The following SORCS2 variants were observed in gnomAD, a reference collection of about 807,000 sequenced individuals.
SORCS2 encodes VPS10 domain-containing receptor SorCS2.
In SORCS2, 100 loss-of-function variants were observed where a neutral mutation model predicts 141.6. The observed-to-expected ratio is 0.71, with a 90% CI of 0.60 to 0.83. The LOEUF (loss-of-function observed/expected upper bound fraction) is 0.83. Ranked by LOEUF, SORCS2 falls within the 40% of genes least tolerant of loss-of-function variation. The pLI is 0.00. For synonymous variants in SORCS2, 789 were observed against 676.9 expected (o/e 1.17, Z -2.57); for missense variants, 1,646 against 1,560.2 (o/e 1.05, Z -0.93).
intron 1 of SORCS2, among the ~76,000 whole-genome samples, chr4:7,318,999 G>A (rs955273607): frequency 6.6e-6 from 1 of 152,086 alleles, no homozygotes; most frequent in African/African-American, 2.4e-5. Context: ...GAGCCTTTTG[G>A]GTCTGGCATC....
intron 1 of SORCS2, among the ~76,000 whole-genome samples, chr4:7,368,235 C>G (rs1402094638): frequency 6.6e-6 from 1 of 152,224 alleles, no homozygotes; most frequent in Non-Finnish European, 1.5e-5. Context: ...GAGCCAGACT[C>G]TCCAGGGAGG....
At chr4:7,265,074 T>C (rs1714632725) in intron 1 of SORCS2, among the ~76,000 whole-genome samples, 1 of 152,262 alleles carries the variant, frequency 6.6e-6, no homozygotes, top group African/African-American at 2.4e-5. Flanking sequence ...ATGCTCTGCA[T>C]GGGACTTCTG....
chr4:7,276,992 G>A (rs987588792), intron 1 of SORCS2, among the ~76,000 whole-genome samples: 3 of 152,200 alleles, frequency 2.0e-5, no homozygotes, highest in South Asian at 2.1e-4. Flanking sequence ...GAGTGACCCT[G>A]TAGCTGTTTC....
chr4:7,434,316 T>C (rs1553862889), intron 2 of SORCS2: 1 of 1,611,488 alleles, frequency 6.2e-7, no homozygotes, highest in Non-Finnish European at 8.5e-7. Flanking sequence ...AGACCTGCCG[T>C]ACACAGTCTT....
intron 2 of SORCS2, among the ~76,000 whole-genome samples, chr4:7,524,818 A>G (rs1232201549): frequency 1.3e-5 from 2 of 151,926 alleles, no homozygotes. Context: ...AGCCAGTTTC[A>G]GGTTTTCTAA....
intron 19 of SORCS2, among the ~76,000 whole-genome samples, chr4:7,724,459 G>GTGGTGGTGA (rs1726913047): frequency 8.7e-6 from 1 of 114,420 alleles, no homozygotes; most frequent in Middle Eastern, 3.8e-3. Context: ...GGTGGTGATG[G>GTGGTGGTGA]TGGTGGTGAT....
rs199943434 is a variant in SORCS2 at position 7,654,140 on chromosome 4, G to A, written c.820G>A (p.Val274Met). 55 of 1,577,522 alleles carry A rather than the reference G, an allele frequency of 3.5e-5. No homozygotes were observed. The highest frequency in any genetic ancestry group is 8.1e-5 in the South Asian group (7 of 86,308). Residue 274 changes from valine to methionine, a missense_variant, in exon 5 of 27, where the codon GTG becomes ATG. By Grantham distance (21) the Val-to-Met change is conservative. Coordinates refer to ENST00000507866, the MANE Select transcript of SORCS2 (RefSeq NM_020777.3). ...TCTTTTTTCTGCCCTAAAGCTCTAC[G>A]TGTCATCTGACTTGGGGAAAAAGTG... ...LAYTKESKLY[V>M]SSDLGKKWTL...
chr4:7,444,815 C>A (rs1727887711), intron 2 of SORCS2, among the ~76,000 whole-genome samples: 1 of 152,206 alleles, frequency 6.6e-6, no homozygotes, highest in South Asian at 2.1e-4. Context: ...GCTGCAGATT[C>A]AGCATCTGCT....
At chr4:7,425,927 C>T (rs1291850321) in intron 2 of SORCS2, among the ~76,000 whole-genome samples, 1 of 152,192 alleles carries the variant, frequency 6.6e-6, no homozygotes, top group East Asian at 1.9e-4. Flanking sequence ...CTAGTCCAGC[C>T]TCTTCTGGTT....
intron 1 of SORCS2, among the ~76,000 whole-genome samples, chr4:7,248,320 G>C (rs999953666): frequency 5.5e-5 from 7 of 127,468 alleles, no homozygotes; most frequent in Non-Finnish European, 1.2e-4. Context: ...TCCTTCTGCA[G>C]GTGTACAGGT....
At chr4:7,404,369 G>C (rs1233091490) in intron 2 of SORCS2, among the ~76,000 whole-genome samples, 1 of 152,114 alleles carries the variant, frequency 6.6e-6, no homozygotes, top group African/African-American at 2.4e-5. Context: ...TAGGTACCTA[G>C]TAGTGGGACT....
chr4:7,532,170 G>C (rs1379968561), intron 3 of SORCS2, among the ~76,000 whole-genome samples: 1 of 152,202 alleles, frequency 6.6e-6, no homozygotes, highest in Non-Finnish European at 1.5e-5. Context: ...TCCGTGAGAA[G>C]AGCCCTCCTG....
chr4:7,433,179 T>G (rs1003843317), intron 2 of SORCS2: 4 of 894,002 alleles, frequency 4.5e-6, no homozygotes, highest in South Asian at 4.3e-5. Context: ...CAGGAATACT[T>G]GGTTTTGAAC....
intron 3 of SORCS2, among the ~76,000 whole-genome samples, chr4:7,595,568 G>A (rs1055139935): frequency 1.5e-5 from 2 of 135,478 alleles, no homozygotes; most frequent in Admixed American, 1.6e-4. Flanking sequence ...CCATACGAAA[G>A]ACGTTCTTGT....
chr4:7,407,603 A>G (rs568099825), intron 2 of SORCS2, among the ~76,000 whole-genome samples: 3 of 152,258 alleles, frequency 2.0e-5, no homozygotes, highest in Admixed American at 6.5e-5. Flanking sequence ...TAGGCATGAT[A>G]TAGTTGAGAT....
intron 1 of SORCS2, among the ~76,000 whole-genome samples, chr4:7,279,159 G>C (rs1431639490): frequency 6.6e-6 from 1 of 152,162 alleles, no homozygotes; most frequent in African/African-American, 2.4e-5. Flanking sequence ...TTTCTGTATT[G>C]ATACACCCCT....
chr4:7,584,589 C>G (rs1716406127), intron 3 of SORCS2, among the ~76,000 whole-genome samples: 1 of 152,192 alleles, frequency 6.6e-6, no homozygotes, highest in Non-Finnish European at 1.5e-5. Flanking sequence ...TGACGAGTCT[C>G]TCTACTACTC....
At position 7,656,942 on chromosome 4, in the gene SORCS2, G is replaced by A. The variant is rs1246772630; in HGVS notation, c.887+2735G>A. On this transcript the variant is annotated intron_variant, in intron 5 of 26. Coordinates refer to ENST00000507866, the MANE Select transcript of SORCS2 (RefSeq NM_020777.3). ...AACACTCACTCCCTGAGGGCCGCCT[G>A]CCCCCGGCCAGCTCACTGGCCTGCC... Among the ~76,000 whole-genome samples, 3 of 152,228 alleles carry A rather than the reference G, an allele frequency of 2.0e-5. No individual in the cohort carries two copies. The East Asian group carries it at 5.8e-4, about 29-fold the overall frequency.
intron 18 of SORCS2, among the ~76,000 whole-genome samples, chr4:7,720,656 A>C (rs1419299941): frequency 1.3e-5 from 2 of 152,238 alleles, no homozygotes; most frequent in African/African-American, 4.8e-5. Context: ...AACAGCAAGG[A>C]AACAAACCGT....
Sources: allele counts gnomAD v4.1 joint callset (sites outside exome capture counted in the v4.1 genomes callset), GRCh38; gene constraint gnomAD v4.1.1; transcripts MANE v1.5; gene names NCBI Gene and HGNC (gene_info 2026-07-23, HGNC 2026-07-21).